CELF4: variants seen among roughly 807,000 people sequenced by gnomAD.
CELF4 encodes the protein CUG-BP- and ETR-3-like factor 4.
A neutral mutation model predicts 59.9 loss-of-function variants in CELF4; 18 were observed. The ratio of observed to expected loss-of-function variants is 0.30; its 90% CI spans 0.21 to 0.45. CELF4 has a LOEUF of 0.45. CELF4 is among the 20% of genes least tolerant of loss of function. CELF4 has a pLI of 1.00. For missense variants in CELF4, 456 were observed against 689.0 expected (o/e 0.66, Z 3.79); for synonymous variants, 261 against 267.1 (o/e 0.98, Z 0.22).
At chr18:37,349,389 C>A (rs1297487614) in intron 2 of CELF4, among the ~76,000 whole-genome samples, 1 of 152,222 alleles carries the variant, frequency 6.6e-6, no homozygotes, top group South Asian at 2.1e-4. Flanking sequence ...CCTGGAGATG[C>A]GATGCCTTCC....
chr18:37,322,330 C>T (rs773485178), intron 2 of CELF4, among the ~76,000 whole-genome samples: 72 of 152,370 alleles, frequency 4.7e-4, no homozygotes, highest in Middle Eastern at 3.4e-3. Flanking sequence ...CAGGCCAGGG[C>T]ATCCAGCTTG....
intron 3 of CELF4, among the ~76,000 whole-genome samples, chr18:37,315,442 T>C (rs987948008): frequency 6.6e-6 from 1 of 152,192 alleles, no homozygotes; most frequent in Non-Finnish European, 1.5e-5. Context: ...CTGGCTTTTC[T>C]GTCATTTCGT....
intron 1 of CELF4, among the ~76,000 whole-genome samples, chr18:37,508,729 C>T (rs545285062): frequency 2.0e-5 from 3 of 152,336 alleles, no homozygotes; most frequent in South Asian, 2.1e-4. Flanking sequence ...GCCCCCCTTG[C>T]GGCCATTGGT....
At chr18:37,528,947 TAGAC>T (rs2099966681) in intron 1 of CELF4, 1 of 152,136 alleles carries the variant, frequency 6.6e-6, no homozygotes, top group African/African-American at 2.4e-5. Context: ...AAGTAGGTAA[TAGAC>T]AGCAAACAAA....
intron 1 of CELF4, among the ~76,000 whole-genome samples, chr18:37,544,308 A>T (rs1243920464): frequency 6.6e-6 from 1 of 152,068 alleles, no homozygotes; most frequent in Admixed American, 6.6e-5. Flanking sequence ...AGACAGGGAG[A>T]TTGAGGCCGA....
chr18:37,365,554 C>T (rs946877688), intron 2 of CELF4, among the ~76,000 whole-genome samples: 2 of 133,080 alleles, frequency 1.5e-5, no homozygotes, highest in African/African-American at 2.9e-5. Context: ...CATGCTATCT[C>T]GGCTCACTGC....
chr18:37,361,895 G>A (rs2098709592), intron 2 of CELF4, among the ~76,000 whole-genome samples: 1 of 152,046 alleles, frequency 6.6e-6, no homozygotes, highest in Non-Finnish European at 1.5e-5. Flanking sequence ...GCGCTTGAGA[G>A]CACCGGGAAG....
chr18:37,522,582 A>G (rs551795370), intron 1 of CELF4, among the ~76,000 whole-genome samples: 75 of 152,248 alleles, frequency 4.9e-4, no homozygotes, highest in African/African-American at 1.8e-3. Context: ...GTGAAATGCA[A>G]TATCCTTGTC....
chr18:37,270,618 T>C (rs1034973006), intron 8 of CELF4, 150 bp downstream of exon 8: 2 of 909,726 alleles, frequency 2.2e-6, no homozygotes, highest in Non-Finnish European at 3.3e-6. Flanking sequence ...TGAAGGAAGA[T>C]GGGAGGCTGG....
Position 37,274,841 on chromosome 18 carries a change from G to T in CELF4, c.621C>A (p.Ala207=), listed in dbSNP as rs757067390. ...VKYSSHAEAQ[A]AINALHGSQT... Reference sequence around the variant, plus strand: ...GGCTGCCGTGTAGCGCGTTGATGGCGGCCTGCGCCTCGGCGTGGGAGGAGT... The same window carrying T: ...GGCTGCCGTGTAGCGCGTTGATGGCTGCCTGCGCCTCGGCGTGGGAGGAGT... Residue 207 remains alanine (A), a synonymous_variant, in exon 5 of 13, where the codon GCC becomes GCA. Coordinates refer to ENST00000420428, the MANE Select transcript of CELF4 (RefSeq NM_020180.4). 34 of 1,607,792 alleles carry T rather than the reference G, an allele frequency of 2.1e-5. 1 individual carries two copies. Among genetic ancestry groups the T allele is most frequent in the Middle Eastern group, 3.3e-4 (2 of 6,064 alleles).
chr18:37,296,310 G>A (rs2095636851), intron 3 of CELF4, among the ~76,000 whole-genome samples: 1 of 152,150 alleles, frequency 6.6e-6, no homozygotes, highest in Admixed American at 6.5e-5. Flanking sequence ...AAAGACTATA[G>A]CCTCCTGAGA....
At chr18:37,378,536 C>T (rs1004134204) in intron 2 of CELF4, among the ~76,000 whole-genome samples, 4 of 152,224 alleles carry the variant, frequency 2.6e-5, no homozygotes, top group Non-Finnish European at 5.9e-5. Context: ...CCGCATCCTT[C>T]TTAGAGCGTC....
At chr18:37,277,022 G>A (rs1261790938) in intron 3 of CELF4, among the ~76,000 whole-genome samples, 3 of 152,206 alleles carry the variant, frequency 2.0e-5, no homozygotes, top group Admixed American at 2.0e-4. Context: ...AAATTGTCAG[G>A]AGAGTTCACT....
At chr18:37,371,653 G>A (rs780769805) in intron 2 of CELF4, among the ~76,000 whole-genome samples, 7 of 152,198 alleles carry the variant, frequency 4.6e-5, no homozygotes, top group Non-Finnish European at 8.8e-5. Flanking sequence ...GAAGAGGCAT[G>A]GTCTTGCCAC....
intron 10 of CELF4, among the ~76,000 whole-genome samples, chr18:37,264,246 T>C (rs1227873136): frequency 6.6e-6 from 1 of 152,202 alleles, no homozygotes; most frequent in African/African-American, 2.4e-5. Context: ...TAACCTCTGC[T>C]AGGTTCTGCT....
At chr18:37,342,880 G>A (rs1275785084) in intron 2 of CELF4, among the ~76,000 whole-genome samples, 1 of 152,222 alleles carries the variant, frequency 6.6e-6, no homozygotes, top group Non-Finnish European at 1.5e-5. Context: ...TTCTGTGGGT[G>A]GTGTCCCCCC....
chr18:37,504,703 G>A (rs774705378), intron 1 of CELF4, among the ~76,000 whole-genome samples: 4 of 152,270 alleles, frequency 2.6e-5, no homozygotes, highest in Middle Eastern at 3.4e-3. Flanking sequence ...TGCCTCGGGC[G>A]AGGGGCGGTG....
At chr18:37,470,973 T>C (rs2154602595) in intron 2 of CELF4, among the ~76,000 whole-genome samples, 1 of 149,964 alleles carries the variant, frequency 6.7e-6, no homozygotes, top group Non-Finnish European at 1.5e-5. Context: ...AAGAAATCCC[T>C]ACGTGTGGTA....
intron 1 of CELF4, among the ~76,000 whole-genome samples, chr18:37,546,272 TCTC>T (rs746817842): frequency 2.6e-5 from 4 of 152,108 alleles, no homozygotes; most frequent in Admixed American, 2.0e-4. Flanking sequence ...CGTCCGCACA[TCTC>T]CTCATCTCCT....
Sources: gnomAD v4.1 joint callset for allele counts (sites outside exome capture counted in the v4.1 genomes callset) on GRCh38, gnomAD v4.1.1 for gene constraint, MANE v1.5 for transcripts, NCBI Gene and HGNC (gene_info 2026-07-23, HGNC 2026-07-21) for gene names.